Variants in HERC3 observed in about 807,000 individuals in gnomAD.
HERC3 encodes the protein probable E3 ubiquitin-protein ligase HERC3.
A neutral mutation model predicts 129.9 loss-of-function variants in HERC3; 58 were observed. The observed-to-expected ratio is 0.45, with a 90% CI of 0.36 to 0.56. HERC3 has a LOEUF of 0.56. Among genes scored for constraint, HERC3 ranks in the 20% least tolerant of loss-of-function variants. The pLI is 0.00. For synonymous variants in HERC3, 430 were observed against 451.0 expected (o/e 0.95, Z 0.59); for missense variants, 835 against 1,244.2 (o/e 0.67, Z 4.95).
intron 3 of HERC3, among the ~76,000 whole-genome samples, chr4:88,637,661 A>C (rs1035018523): frequency 6.6e-6 from 1 of 152,200 alleles, no homozygotes; most frequent in Non-Finnish European, 1.5e-5. Flanking sequence ...ATCTCAAATC[A>C]ACACCCTAAC....
In HERC3 at chr4:88,681,300, AAGG is replaced by A; in HGVS notation, c.2485_2487del (p.Glu829del). 1 of 1,612,780 alleles carries A rather than the reference AAGG, an allele frequency of 6.2e-7. No homozygotes were observed. The highest frequency in any genetic ancestry group is 1.1e-5 in the South Asian group (1 of 90,644). ...TGTAAAGCCTGGCTTGGAAGACTTA[AAGG>A]AGTTGTCACCCACTGAAGGAAGGTA... On this transcript the variant is annotated inframe_deletion, in exon 21 of 26. Transcript: ENST00000402738.
the HERC3 span, chr4:88,523,922 A>C: frequency 3.8e-6 from 2 of 523,818 alleles, no homozygotes; most frequent in Non-Finnish European, 3.3e-6. Context: ...GCCCCAGGGC[A>C]GAGGCCTCTG....
chr4:88,615,038 T>C (rs976741865), intron 3 of HERC3, among the ~76,000 whole-genome samples: 2 of 152,230 alleles, frequency 1.3e-5, no homozygotes, highest in African/African-American at 4.8e-5. Flanking sequence ...CATTATAAGG[T>C]TCACATTTAT....
At chr4:88,691,524 A>G (rs1205367628) in intron 23 of HERC3, among the ~76,000 whole-genome samples, 2 of 152,218 alleles carry the variant, frequency 1.3e-5, no homozygotes, top group Non-Finnish European at 2.9e-5. Flanking sequence ...GTATCCTAGC[A>G]TGGTGGAGAG....
intron 3 of HERC3, 106 bp from the exon 4 acceptor site, chr4:88,649,734 G>C: frequency 1.2e-6 from 1 of 845,568 alleles, no homozygotes; most frequent in Non-Finnish European, 1.8e-6. Flanking sequence ...AGATTAAGTG[G>C]TTCTTGTTAA....
At chr4:88,534,171 A>T in the HERC3 span, among the ~76,000 whole-genome samples, 1 of 152,220 alleles carries the variant, frequency 6.6e-6, no homozygotes, top group Non-Finnish European at 1.5e-5. Context: ...CAGCTTCCGG[A>T]TGCTGCTGCT....
chr4:88,567,636 T>C, the HERC3 span, among the ~76,000 whole-genome samples: 1 of 152,210 alleles, frequency 6.6e-6, no homozygotes, highest in African/African-American at 2.4e-5. Context: ...TGCTTAGGTT[T>C]TTAAAAATTA....
chr4:88,633,339 G>A (rs898529642), intron 3 of HERC3, among the ~76,000 whole-genome samples: 2 of 152,182 alleles, frequency 1.3e-5, no homozygotes, highest in African/African-American at 4.8e-5. Context: ...ATACACTCTT[G>A]AGTTCTCCAG....
At chr4:88,611,331 G>A (rs956578224) in intron 3 of HERC3, among the ~76,000 whole-genome samples, 2 of 152,168 alleles carry the variant, frequency 1.3e-5, no homozygotes, top group Non-Finnish European at 1.5e-5. Context: ...TTTGCTTATT[G>A]AGAACCATGA....
the HERC3 span, among the ~76,000 whole-genome samples, chr4:88,566,261 T>C: frequency 6.6e-6 from 1 of 152,160 alleles, no homozygotes; most frequent in South Asian, 2.1e-4. Context: ...TTTTATGTTT[T>C]TTGATTTGGG....
At chr4:88,620,093 A>G (rs1725349474) in intron 3 of HERC3, among the ~76,000 whole-genome samples, 1 of 152,250 alleles carries the variant, frequency 6.6e-6, no homozygotes, top group Non-Finnish European at 1.5e-5. Flanking sequence ...GTTAATATAT[A>G]GCATAAGGAA....
the HERC3 span, among the ~76,000 whole-genome samples, chr4:88,566,166 C>T: frequency 6.6e-6 from 1 of 152,122 alleles, no homozygotes; most frequent in Admixed American, 6.5e-5. Context: ...GTATTGTTCT[C>T]CTCTATGTGT....
intron 3 of HERC3, among the ~76,000 whole-genome samples, chr4:88,613,756 G>T (rs1157385392): frequency 6.6e-6 from 1 of 152,092 alleles, no homozygotes; most frequent in Non-Finnish European, 1.5e-5. Flanking sequence ...CACTTGTTAG[G>T]GCCCCATCTG....
chr4:88,640,095 A>G (rs187076992), intron 3 of HERC3, among the ~76,000 whole-genome samples: 150 of 152,300 alleles, frequency 9.8e-4, no homozygotes, highest in Middle Eastern at 3.4e-3. Context: ...TGGCGAGGCT[A>G]TGGAGAAATA....
the HERC3 span, among the ~76,000 whole-genome samples, chr4:88,576,350 C>T: frequency 1.3e-5 from 2 of 152,150 alleles, no homozygotes; most frequent in African/African-American, 4.8e-5. Context: ...AAATCAAGGT[C>T]CCCAGAAGGG....
At chr4:88,704,464 A>G (rs780066265) in intron 24 of HERC3, 44 bp from the exon 25 acceptor site, 2 of 1,380,280 alleles carry the variant, frequency 1.4e-6, no homozygotes, top group South Asian at 1.2e-5. Flanking sequence ...CCACTATAAT[A>G]TTCTTCCAAG....
chr4:88,534,005 C>A, the HERC3 span, among the ~76,000 whole-genome samples: 4 of 152,136 alleles, frequency 2.6e-5, no homozygotes, highest in South Asian at 4.1e-4. Context: ...TTCTCCACTG[C>A]CCTCCTGCTA....
At chr4:88,681,965 T>C (rs1276017950) in intron 21 of HERC3, among the ~76,000 whole-genome samples, 1 of 152,256 alleles carries the variant, frequency 6.6e-6, no homozygotes, top group Non-Finnish European at 1.5e-5. Flanking sequence ...GCAAATACTA[T>C]AATTTTGATT....
In HERC3 at chr4:88,626,872, C is replaced by A. The variant is rs189283901; in HGVS notation, c.226+20823C>A. On this transcript the variant is annotated intron_variant, in intron 3 of 25. Coordinates refer to ENST00000402738, the MANE Select transcript of HERC3 (RefSeq NM_014606.3). ...TTTGGTTTCAATGATTTTTATTATT[C>A]TTTTTGTTTGTTTTGTTTTCTGTTT... 2.5e-3 allele frequency among the ~76,000 whole-genome samples: 383 copies of A among 151,668 alleles called. 3 individuals are homozygous for A. Among genetic ancestry groups the A allele is most frequent in the African/African-American group, 9.0e-3 (374 of 41,380 alleles).
Sources: gnomAD v4.1 joint callset for allele counts (sites outside exome capture counted in the v4.1 genomes callset) on GRCh38, gnomAD v4.1.1 for gene constraint, MANE v1.5 for transcripts, NCBI Gene and HGNC (gene_info 2026-07-23, HGNC 2026-07-21) for gene names.